NBEA: variants seen among roughly 807,000 people sequenced by gnomAD.
NBEA encodes the protein neurobeachin.
A neutral mutation model predicts 343.4 loss-of-function variants in NBEA; 44 were observed. The observed-to-expected ratio is 0.13, with a 90% CI of 0.10 to 0.16. The LOEUF is 0.16. Ranked by LOEUF, NBEA falls within the 10% of genes least tolerant of loss-of-function variation. The pLI, the probability that NBEA is intolerant of heterozygous loss-of-function variation, is 1.00. For missense variants in NBEA, 2,555 were observed against 3,631.3 expected (o/e 0.70, Z 7.62); for synonymous variants, 1,175 against 1,238.7 (o/e 0.95, Z 1.08).
At chr13:34,993,535 A>G (rs1339141670) in intron 1 of NBEA, among the ~76,000 whole-genome samples, 1 of 152,356 alleles carries the variant, frequency 6.6e-6, no homozygotes, top group Non-Finnish European at 1.5e-5. Flanking sequence ...ATTTTCAGTA[A>G]GGAATAAACT....
intron 34 of NBEA, among the ~76,000 whole-genome samples, chr13:35,255,974 A>C (rs953870205): frequency 6.6e-6 from 1 of 152,164 alleles, no homozygotes. Flanking sequence ...TTCCGCAGGC[A>C]GGTCATCCCA....
At chr13:35,564,505 G>A (rs1593235709) in intron 44 of NBEA, among the ~76,000 whole-genome samples, 1 of 152,178 alleles carries the variant, frequency 6.6e-6, no homozygotes, top group Non-Finnish European at 1.5e-5. Context: ...AAAGTACTGA[G>A]CCCTATCAGG....
chr13:35,024,426 C>T (rs2061948562), intron 1 of NBEA, among the ~76,000 whole-genome samples: 1 of 151,970 alleles, frequency 6.6e-6, no homozygotes, highest in Non-Finnish European at 1.5e-5. Context: ...AATCTCAGCA[C>T]CTTGGAAGGC....
chr13:35,423,707 G>A (rs1033709236), intron 38 of NBEA, among the ~76,000 whole-genome samples: 6 of 152,216 alleles, frequency 3.9e-5, no homozygotes, highest in South Asian at 4.1e-4. Flanking sequence ...GTAGCTTGAT[G>A]GGGATGGCAT....
At chr13:35,482,825 C>T (rs1328931911) in intron 41 of NBEA, among the ~76,000 whole-genome samples, 2 of 151,760 alleles carry the variant, frequency 1.3e-5, no homozygotes, top group Non-Finnish European at 3.0e-5. Flanking sequence ...TATATACCAT[C>T]ATAGAAGCTC....
intron 47 of NBEA, among the ~76,000 whole-genome samples, chr13:35,594,076 A>G (rs2081649770): frequency 6.6e-6 from 1 of 152,152 alleles, no homozygotes; most frequent in Admixed American, 6.6e-5. Context: ...CCTATTTTAA[A>G]AAAGAAAAAC....
intron 34 of NBEA, among the ~76,000 whole-genome samples, chr13:35,288,272 C>A (rs1448525621): frequency 6.6e-6 from 1 of 151,850 alleles, no homozygotes; most frequent in East Asian, 1.9e-4. Flanking sequence ...GTAATACTCC[C>A]AACCAAAGTG....
chr13:35,109,187 A>T, intron 11 of NBEA, 103 bp from the exon 12 acceptor site: 1 of 935,292 alleles, frequency 1.1e-6, no homozygotes, highest in Non-Finnish European at 1.5e-6. Context: ...CATATTTATT[A>T]GGGATAGCAT....
intron 43 of NBEA, among the ~76,000 whole-genome samples, chr13:35,553,733 TC>T (rs1175677843): frequency 1.3e-5 from 2 of 152,184 alleles, no homozygotes; most frequent in Non-Finnish European, 2.9e-5. Flanking sequence ...AGTCTGTTGT[TC>T]CCAAACTAAA....
intron 41 of NBEA, among the ~76,000 whole-genome samples, chr13:35,511,323 TA>T (rs1306507790): frequency 6.6e-6 from 1 of 152,172 alleles, no homozygotes; most frequent in Admixed American, 6.5e-5. Flanking sequence ...TTTAACCACA[TA>T]AGGACTTTTA....
At chr13:35,484,374 T>C (rs2076236610) in intron 41 of NBEA, among the ~76,000 whole-genome samples, 1 of 151,782 alleles carries the variant, frequency 6.6e-6, no homozygotes, top group Non-Finnish European at 1.5e-5. Context: ...TTAACCTGCA[T>C]TTGATAAACA....
At chr13:35,402,535 A>G (rs1349687977) in intron 38 of NBEA, among the ~76,000 whole-genome samples, 1 of 152,024 alleles carries the variant, frequency 6.6e-6, no homozygotes, top group Non-Finnish European at 1.5e-5. Flanking sequence ...AAGGACTGAC[A>G]TGTGTAGGAA....
intron 30 of NBEA, among the ~76,000 whole-genome samples, chr13:35,184,549 A>G (rs2071552512): frequency 6.6e-6 from 1 of 152,144 alleles, no homozygotes; most frequent in African/African-American, 2.4e-5. Context: ...AACAAAAATT[A>G]TTAAACATGC....
chr13:35,447,555 G>T (rs947859473), intron 39 of NBEA, among the ~76,000 whole-genome samples: 2 of 152,054 alleles, frequency 1.3e-5, no homozygotes, highest in Non-Finnish European at 2.9e-5. Context: ...TTTCTCACAT[G>T]ATGTAGAAAA....
intron 49 of NBEA, among the ~76,000 whole-genome samples, chr13:35,641,108 GAC>G (rs1323895714): frequency 6.6e-6 from 1 of 151,798 alleles, no homozygotes; most frequent in African/African-American, 2.4e-5. Flanking sequence ...TATTTTATGA[GAC>G]AATTGAGTTT....
intron 45 of NBEA, among the ~76,000 whole-genome samples, chr13:35,582,143 G>A (rs1250435999): frequency 3.3e-5 from 5 of 151,844 alleles, no homozygotes; most frequent in Non-Finnish European, 7.4e-5. Context: ...AAAATTAGCT[G>A]GGCATGGTGG....
At chr13:35,005,528 T>C (rs931206650) in intron 1 of NBEA, among the ~76,000 whole-genome samples, 2 of 152,196 alleles carry the variant, frequency 1.3e-5, no homozygotes, top group African/African-American at 4.8e-5. Flanking sequence ...ACTATCAGGC[T>C]AATTTGTTAG....
intron 10 of NBEA, among the ~76,000 whole-genome samples, chr13:35,094,829 AT>A: frequency 6.6e-6 from 1 of 152,018 alleles, no homozygotes; most frequent in East Asian, 1.9e-4. Flanking sequence ...ATGTCAAAAG[AT>A]TTTTCCCCCT....
rs147424352 is a variant in NBEA at position 35,385,531 on chromosome 13, C to G, written c.6179+33208C>G. On this transcript the variant is annotated intron_variant, in intron 38 of 58. Coordinates refer to ENST00000379939, the MANE Select transcript of NBEA (RefSeq NM_001385012.1). ...CTGGGCAACATAGCAAGGCCCTTGT[C>G]TCTGCAAAAAATAAAATGAAAATTA... Among the ~76,000 whole-genome samples the G allele has an allele frequency of 3.7e-3, 559 of 152,026 alleles. 3 individuals are homozygous for G. The highest frequency in any genetic ancestry group is 0.013 in the African/African-American group (529 of 41,486).
Sources: allele counts gnomAD v4.1 joint callset (sites outside exome capture counted in the v4.1 genomes callset), GRCh38; gene constraint gnomAD v4.1.1; transcripts MANE v1.5; gene names NCBI Gene and HGNC (gene_info 2026-07-23, HGNC 2026-07-21).